STK17A: variants seen among roughly 807,000 people sequenced by gnomAD.
STK17A encodes the protein serine/threonine-protein kinase 17A.
A neutral mutation model predicts 43.7 loss-of-function variants in STK17A; 26 were observed. That is an observed-to-expected ratio of 0.60 (90% CI 0.44 to 0.83). The LOEUF (loss-of-function observed/expected upper bound fraction) is 0.83, where lower values mean the gene tolerates loss of function less well. STK17A is among the 40% of genes least tolerant of loss of function. The pLI is 0.00. For missense variants in STK17A, 476 were observed against 511.6 expected, an observed-to-expected ratio of 0.93 and a Z score of 0.67; for synonymous variants, 191 against 182.5, an observed-to-expected ratio of 1.05 and a Z score of -0.38.
rs759251359 is a variant in STK17A at position 43,591,958 on chromosome 7, T to C, written c.207-3943T>C. 9.9e-5 allele frequency among the ~76,000 whole-genome samples: 15 copies of C among 151,624 alleles called. 1 individual carries two copies. The highest frequency in any genetic ancestry group is 1.8e-4 in the Non-Finnish European group (12 of 67,674). ...GCACAGTACTTTATTGCTTTGAATGTCAGGTGTGGCAACAGTAAACATTTG... is the reference window on the plus strand; with the variant it reads ...GCACAGTACTTTATTGCTTTGAATGCCAGGTGTGGCAACAGTAAACATTTG... On this transcript the variant is annotated intron_variant, in intron 1 of 6. Transcript: ENST00000319357.
At chr7:43,597,878 T>C (rs1270247896) in intron 2 of STK17A, among the ~76,000 whole-genome samples, 1 of 152,138 alleles carries the variant, frequency 6.6e-6, no homozygotes, top group Non-Finnish European at 1.5e-5. Flanking sequence ...TGAGCCGAGA[T>C]AGTGCCACTG....
chr7:43,618,366 G>T (rs367790851), intron 3 of STK17A, among the ~76,000 whole-genome samples: 1 of 152,178 alleles, frequency 6.6e-6, no homozygotes, highest in Non-Finnish European at 1.5e-5. Flanking sequence ...AAGGCAGTAC[G>T]TGTGTAAAGG....
chr7:43,624,249 G>A (rs2084247158), intron 6 of STK17A, among the ~76,000 whole-genome samples: 1 of 152,126 alleles, frequency 6.6e-6, no homozygotes, highest in South Asian at 2.1e-4. Flanking sequence ...CTAATCTCTA[G>A]CAGATACTTC....
chr7:43,607,835 T>C (rs958916366), intron 2 of STK17A, among the ~76,000 whole-genome samples: 26 of 152,306 alleles, frequency 1.7e-4, no homozygotes, highest in African/African-American at 5.3e-4. Flanking sequence ...TTTATTTCAA[T>C]TGAGGAACAC....
rs1012750948 is a variant in STK17A, at chr7:43,627,129, T to C, written c.*2287T>C. 6.6e-6 allele frequency among the ~76,000 whole-genome samples: 1 copy of C among 152,260 alleles called. No homozygotes were observed. Among genetic ancestry groups the C allele is most frequent in the Admixed American group, 6.5e-5 (1 of 15,286 alleles). ...CGGTTTATAAATCCAGTTTTAACTATAATTCAACAATATTTTGGTGTGGTG... is the reference window on the plus strand; with the variant it reads ...CGGTTTATAAATCCAGTTTTAACTACAATTCAACAATATTTTGGTGTGGTG... On this transcript the variant is annotated 3_prime_UTR_variant, in exon 7 of 7. Coordinates refer to ENST00000319357, the MANE Select transcript of STK17A (RefSeq NM_004760.3).
chr7:43,614,417 C>T (rs1342408976), intron 3 of STK17A, among the ~76,000 whole-genome samples: 2 of 152,060 alleles, frequency 1.3e-5, no homozygotes, highest in African/African-American at 4.8e-5. Flanking sequence ...AACTGGATTC[C>T]CTAGAAAGGA....
rs2153005814 is a variant in STK17A, at chr7:43,619,625, C to T, written c.593C>T (p.Ser198Phe). 1 of 1,613,846 alleles carries T rather than the reference C, an allele frequency of 6.2e-7. No homozygotes were observed. The highest frequency in any genetic ancestry group is 8.5e-7 in the Non-Finnish European group (1 of 1,179,912). The change falls in exon 4 of 7, where the codon TCT becomes TTT. Residue 198 changes from serine (S) to phenylalanine (F), a missense_variant. Around this residue, in one of 3 missense-constraint regions of STK17A, gnomAD observed 320 missense variants for 326.3 expected, o/e 0.98. Transcript: ENST00000319357. The stretch of plus-strand genomic sequence containing the variant: ...CAGAATATTCTGTTGACAAGTGAAT[C>T]TCCATTGGGTGACATTAAGATTGTT... ...KPQNILLTSE[S>F]PLGDIKIVDF...
intron 2 of STK17A, among the ~76,000 whole-genome samples, chr7:43,606,911 A>ATTTTTTTTTT (rs2082597090): frequency 1.7e-5 from 1 of 58,432 alleles, no homozygotes; most frequent in Admixed American, 1.9e-4. Flanking sequence ...TAGCTTTTCG[A>ATTTTTTTTTT]TTTTCTTTTT....
At chr7:43,611,583 T>C (rs998661542) in intron 3 of STK17A, among the ~76,000 whole-genome samples, 1 of 152,146 alleles carries the variant, frequency 6.6e-6, no homozygotes, top group African/African-American at 2.4e-5. Context: ...AGTTCAAAGA[T>C]CCTTGCTGCA....
chr7:43,593,184 C>G (rs1462654540), intron 1 of STK17A, among the ~76,000 whole-genome samples: 2 of 152,186 alleles, frequency 1.3e-5, no homozygotes, highest in African/African-American at 4.8e-5. Flanking sequence ...CTTGAGTCAT[C>G]TCACTTAGGA....
At chr7:43,613,561 G>C (rs1478201755) in intron 3 of STK17A, among the ~76,000 whole-genome samples, 1 of 152,112 alleles carries the variant, frequency 6.6e-6, no homozygotes, top group African/African-American at 2.4e-5. Context: ...ACTAGAAGAA[G>C]GCCAGGTGTG....
intron 1 of STK17A, among the ~76,000 whole-genome samples, chr7:43,594,264 GA>G (rs10624924): frequency 4.4e-4 from 65 of 146,870 alleles, no homozygotes; most frequent in African/African-American, 1.4e-3. Flanking sequence ...TCTCTTAAAG[GA>G]AAAAAAAAAA....
Position 43,624,865 on chromosome 7 carries a change from C to A in STK17A, c.*23C>A. 2.6e-6 allele frequency: 4 copies of A among 1,554,618 alleles called. No homozygotes were observed. The highest frequency in any genetic ancestry group is 2.5e-5 in the South Asian group (2 of 81,372). Reference sequence around the variant, plus strand: ...TGAGCAATATTTCCCTTTAGAACTTCAAGATTTCTACATTGAAAATGTTAA... The same window carrying A: ...TGAGCAATATTTCCCTTTAGAACTTAAAGATTTCTACATTGAAAATGTTAA... On this transcript the variant is annotated 3_prime_UTR_variant, in exon 7 of 7. Coordinates refer to ENST00000319357, the MANE Select transcript of STK17A (RefSeq NM_004760.3).
At chr7:43,587,923 C>CAAG (rs2082454264) in intron 1 of STK17A, among the ~76,000 whole-genome samples, 1 of 151,514 alleles carries the variant, frequency 6.6e-6, no homozygotes, top group Non-Finnish European at 1.5e-5. Context: ...GTTCATGCTT[C>CAAG]AAATGTTAAA....
intron 1 of STK17A, among the ~76,000 whole-genome samples, chr7:43,588,596 T>C (rs1563142661): frequency 6.6e-6 from 1 of 151,440 alleles, no homozygotes; most frequent in Admixed American, 6.6e-5. Flanking sequence ...ATCCCAGCAC[T>C]TTAGGAGGCC....
intron 2 of STK17A, 133 bp downstream of exon 2, chr7:43,596,246 G>A: frequency 1.4e-6 from 1 of 728,442 alleles, no homozygotes; most frequent in South Asian, 3.0e-5. Context: ...ATCTTCAGGT[G>A]TTCCTCTTAT....
chr7:43,606,157 T>A (rs1240499139), intron 2 of STK17A, among the ~76,000 whole-genome samples: 1 of 152,196 alleles, frequency 6.6e-6, no homozygotes, highest in Non-Finnish European at 1.5e-5. Flanking sequence ...CCACTAGAGC[T>A]TGAAGGACCA....
At chr7:43,597,920 G>C (rs11772479) in intron 2 of STK17A, among the ~76,000 whole-genome samples, 14,186 of 151,746 alleles carry the variant, frequency 0.093, 737 homozygotes, top group Admixed American at 0.17. Context: ...GTGAGACTCT[G>C]TCTCAAAAAA....
chr7:43,584,212 A>G (rs1418739571), intron 1 of STK17A, among the ~76,000 whole-genome samples: 1 of 152,132 alleles, frequency 6.6e-6, no homozygotes, highest in Non-Finnish European at 1.5e-5. Flanking sequence ...TGTATGCTGA[A>G]GAGGGGTGAT....
Sources: gnomAD v4.1 joint callset for allele counts (sites outside exome capture counted in the v4.1 genomes callset) on GRCh38, gnomAD v4.1.1 for gene constraint, gnomAD v4.1.1 regional missense constraint, MANE v1.5 for transcripts, NCBI Gene and HGNC (gene_info 2026-07-23, HGNC 2026-07-21) for gene names.